The following TENM1 variants were observed in gnomAD, a reference collection of about 807,000 sequenced individuals.
TENM1 encodes teneurin-1.
Under a neutral mutation model 174.8 loss-of-function variants are expected in TENM1, and 35 were observed. The observed-to-expected ratio is 0.20, with a 90% confidence interval of 0.15 to 0.27. The LOEUF (loss-of-function observed/expected upper bound fraction) is 0.27. Ranked by LOEUF, TENM1 falls within the 10% of genes least tolerant of loss-of-function variation. The pLI, the probability that TENM1 is intolerant of heterozygous loss-of-function variation, is 1.00. For missense variants in TENM1, 1,633 were observed against 2,130.1 expected (o/e 0.77, Z 4.59); for synonymous variants, 781 against 798.7 (o/e 0.98, Z 0.37).
At chrX:125,059,311 T>C in the TENM1 span, among the ~76,000 whole-genome samples, 1 of 111,526 alleles carries the variant, frequency 9.0e-6, no homozygotes, top group African/African-American at 3.3e-5. Context: ...TGTGAAGGTA[T>C]TAATATTTTA....
intron 18 of TENM1, among the ~76,000 whole-genome samples, chrX:124,517,216 G>T (rs761451191): frequency 9.1e-6 from 1 of 110,144 alleles, no homozygotes; most frequent in East Asian, 2.9e-4. Flanking sequence ...TTAGTAAATG[G>T]GTGCCAAAAC....
chrX:124,550,005 A>T (rs1159058454), intron 14 of TENM1, among the ~76,000 whole-genome samples: 3 of 110,470 alleles, frequency 2.7e-5, no homozygotes, highest in African/African-American at 6.6e-5. Context: ...TCAAATATTA[A>T]CTGATTTTTA....
intron 1 of TENM1, among the ~76,000 whole-genome samples, chrX:124,940,015 C>G (rs59808713): frequency 0.1 from 11,528 of 111,774 alleles, 1,444 homozygotes; most frequent in African/African-American, 0.35. Context: ...TTTCACAACT[C>G]TATCCCCAAC....
At chrX:125,178,650 A>C in the TENM1 span, among the ~76,000 whole-genome samples, 1 of 111,790 alleles carries the variant, frequency 8.9e-6, no homozygotes, top group Non-Finnish European at 1.9e-5. Flanking sequence ...CCTTTTTGGT[A>C]AGGAAGTAAC....
the TENM1 span, among the ~76,000 whole-genome samples, chrX:125,042,990 A>C: frequency 1.8e-5 from 2 of 111,569 alleles, no homozygotes; most frequent in Non-Finnish European, 3.8e-5. Flanking sequence ...GTTTAGGAAC[A>C]GGCTAATTTG....
At chrX:124,989,275 T>A in the TENM1 span, among the ~76,000 whole-genome samples, 17 of 111,592 alleles carry the variant, frequency 1.5e-4, no homozygotes, top group Admixed American at 9.5e-5. Context: ...GAAAATAAAA[T>A]TAAAAATGCC....
the TENM1 span, among the ~76,000 whole-genome samples, chrX:125,142,852 A>C: frequency 0.11 from 12,686 of 111,479 alleles, 609 homozygotes; most frequent in Non-Finnish European, 0.15. Context: ...TAGCAGTGAG[A>C]GTATGCAAAA....
chrX:124,423,901 A>T (rs1181135204), intron 23 of TENM1, among the ~76,000 whole-genome samples: 1 of 111,680 alleles, frequency 9.0e-6, no homozygotes, highest in East Asian at 2.8e-4. Context: ...GCCTTCAAAG[A>T]GGTAGTTTAG....
intron 13 of TENM1, 139 bp from the exon 17 acceptor site, chrX:124,561,956 G>T: frequency 3.3e-6 from 2 of 606,646 alleles, no homozygotes; most frequent in Non-Finnish European, 4.9e-6. Flanking sequence ...AGAGGAGCTT[G>T]CTTGCCTGCA....
At chrX:125,104,639 T>A in the TENM1 span, among the ~76,000 whole-genome samples, 4 of 109,138 alleles carry the variant, frequency 3.7e-5, no homozygotes, top group African/African-American at 1.0e-4. Context: ...CCTTTTTTTT[T>A]AACATAAAAC....
intron 21 of TENM1, among the ~76,000 whole-genome samples, chrX:124,486,615 G>A (rs192939174): frequency 2.7e-3 from 299 of 112,020 alleles, no homozygotes; most frequent in African/African-American, 9.3e-3. Context: ...AGTGTAATGC[G>A]TAAACACATT....
chrX:125,122,172 A>G, the TENM1 span, among the ~76,000 whole-genome samples: 1 of 112,197 alleles, frequency 8.9e-6, no homozygotes, highest in Non-Finnish European at 1.9e-5. Flanking sequence ...GATATGATAC[A>G]CAGTCCTTGG....
At chrX:125,117,243 C>G in the TENM1 span, among the ~76,000 whole-genome samples, 222 of 111,575 alleles carry the variant, frequency 2.0e-3, no homozygotes, top group Non-Finnish European at 3.5e-3. Context: ...CATATGTACA[C>G]GTATGTTTAT....
intron 3 of TENM1, among the ~76,000 whole-genome samples, chrX:124,741,478 G>T (rs1027513399): frequency 9.0e-6 from 1 of 111,077 alleles, no homozygotes; most frequent in African/African-American, 3.3e-5. Flanking sequence ...TAACCAAAGG[G>T]TTATGGAAAA....
At chrX:124,819,869 C>T (rs997475489) in intron 3 of TENM1, among the ~76,000 whole-genome samples, 2 of 108,212 alleles carry the variant, frequency 1.8e-5, no homozygotes, top group African/African-American at 3.4e-5. Flanking sequence ...GATCTGGGCT[C>T]GCTGCAACCT....
the TENM1 span, among the ~76,000 whole-genome samples, chrX:125,088,692 G>A: frequency 9.0e-6 from 1 of 110,716 alleles, no homozygotes; most frequent in Non-Finnish European, 1.9e-5. Context: ...GACAAAAACA[G>A]ATAAGCCTTT....
intron 18 of TENM1, among the ~76,000 whole-genome samples, chrX:124,517,064 C>T (rs990096092): frequency 3.6e-5 from 4 of 111,127 alleles, no homozygotes; most frequent in Non-Finnish European, 7.5e-5. Flanking sequence ...AACCAAATAC[C>T]GCATGTTCTC....
At chrX:124,872,217 G>T (rs921950901) in intron 3 of TENM1, among the ~76,000 whole-genome samples, 4 of 110,208 alleles carry the variant, frequency 3.6e-5, no homozygotes, top group Non-Finnish European at 7.6e-5. Context: ...ATTTTGTTTT[G>T]GTCCATGTTT....
At chrX:125,136,922 C>G in the TENM1 span, among the ~76,000 whole-genome samples, 9 of 111,028 alleles carry the variant, frequency 8.1e-5, no homozygotes, top group African/African-American at 3.0e-4. Flanking sequence ...GAACCAATCC[C>G]CCACAGATAT....
Sources: gnomAD v4.1 joint callset for allele counts (sites outside exome capture counted in the v4.1 genomes callset) on GRCh38, gnomAD v4.1.1 for gene constraint, MANE v1.5 for transcripts, NCBI Gene and HGNC (gene_info 2026-07-23, HGNC 2026-07-21) for gene names.